FAM222A: variants seen among roughly 807,000 people sequenced by gnomAD.
The protein encoded by FAM222A is protein FAM222A.
A neutral mutation model predicts 25.8 loss-of-function variants in FAM222A; 7 were observed. The observed-to-expected ratio is 0.27, with a 90% CI of 0.15 to 0.51. The LOEUF (loss-of-function observed/expected upper bound fraction) is 0.51, where lower values mean the gene tolerates loss of function less well. Among genes scored for constraint, FAM222A ranks in the 20% least tolerant of loss-of-function variants. The pLI is 0.97. For synonymous variants in FAM222A, 294 were observed against 298.8 expected, an observed-to-expected ratio of 0.98 and a Z score of 0.17; for missense variants, 573 against 640.5, an observed-to-expected ratio of 0.89 and a Z score of 1.14.
Position 109,713,948 on chromosome 12 carries a change from C to T in FAM222A, c.-996C>T, listed in dbSNP as rs529069553. Among the ~76,000 whole-genome samples, 1 of 146,178 alleles carries T rather than the reference C, an allele frequency of 6.8e-6. No individual in the cohort carries two copies. Among genetic ancestry groups the T allele is most frequent in the African/African-American group, 2.5e-5 (1 of 40,754 alleles). On this transcript the variant is annotated 5_prime_UTR_variant, in exon 1 of 3. Coordinates refer to ENST00000538780, the MANE Select transcript of FAM222A (RefSeq NM_032829.3). ...CGCCTGTGGGGCGCGGCGCGCGGCA[C>T]CCGGGCCTGAGACCAGGCGAGGCGC...
intron 1 of FAM222A, chr12:109,720,251 G>C (rs528901682): frequency 2.7e-5 from 25 of 922,294 alleles, no homozygotes; most frequent in Middle Eastern, 1.1e-3. Context: ...AGGTCAGGGG[G>C]TGAGGCCGAG....
At chr12:109,727,645 C>T (rs1288166987) in intron 1 of FAM222A, among the ~76,000 whole-genome samples, 27 of 152,196 alleles carry the variant, frequency 1.8e-4, no homozygotes, top group Admixed American at 1.8e-3. Context: ...GGCAACTTGC[C>T]ACGCTGGCAC....
chr12:109,743,584 A>AG (rs1434473428), intron 1 of FAM222A, among the ~76,000 whole-genome samples: 4 of 152,144 alleles, frequency 2.6e-5, no homozygotes, highest in Non-Finnish European at 5.9e-5. Flanking sequence ...TCTCCCCTCC[A>AG]GGGGGGCTAT....
intron 1 of FAM222A, among the ~76,000 whole-genome samples, chr12:109,741,406 A>G (rs907194515): frequency 6.6e-6 from 1 of 152,124 alleles, no homozygotes; most frequent in Non-Finnish European, 1.5e-5. Flanking sequence ...ACACCATCAC[A>G]CCCTGAAAAC....
chr12:109,744,405 A>G, intron 2 of FAM222A, 177 bp downstream of exon 2: 1 of 984,304 alleles, frequency 1.0e-6, no homozygotes, highest in Non-Finnish European at 1.2e-6. Flanking sequence ...AATGACACCC[A>G]CTCCTTTGGC....
In FAM222A at chr12:109,735,040, C is replaced by T. The variant is rs541944858; in HGVS notation, c.-46-9061C>T. 11 of 152,880 alleles carry T rather than the reference C, an allele frequency of 7.2e-5. No individual in the cohort carries two copies. The East Asian group carries it at 1.9e-3, about 27-fold the overall frequency. The allele number at this position is 152,880 out of a possible 1,614,324, so 9.5% of individuals were successfully genotyped here. On this transcript the variant is annotated intron_variant, in intron 1 of 2. Transcript: ENST00000538780. ...TTTCCTAACCCCTGCCTCGAAGGCT[C>T]CATTCATTTCTGCCCCAGCCTGACC... is the stretch of plus-strand genomic sequence containing the variant.
chr12:109,766,465 C>T (rs1009234579), intron 2 of FAM222A, among the ~76,000 whole-genome samples: 7 of 152,362 alleles, frequency 4.6e-5, no homozygotes, highest in African/African-American at 1.7e-4. Context: ...CCATGCTGGC[C>T]TTACAGGTGA....
chr12:109,741,088 A>C (rs1389130996), intron 1 of FAM222A, among the ~76,000 whole-genome samples: 1 of 152,200 alleles, frequency 6.6e-6, no homozygotes, highest in Non-Finnish European at 1.5e-5. Context: ...TTTAAGGCCA[A>C]GGAGGGGGAT....
chr12:109,727,352 T>A lies in FAM222A; in HGVS notation c.-47+12455T>A, dbSNP rs377563511. 2.2e-4 allele frequency among the ~76,000 whole-genome samples: 34 copies of A among 151,984 alleles called. No homozygotes were observed. The South Asian group carries it at 6.9e-3, about 31-fold the overall frequency. On this transcript the variant is annotated intron_variant, in intron 1 of 2. Coordinates refer to ENST00000538780, the MANE Select transcript of FAM222A (RefSeq NM_032829.3). The stretch of plus-strand genomic sequence containing the variant: ...GGGGGTGCTGCCAGCTGCCATCCCG[T>A]GTGACTGTGGAGGCCTGAGCCCTCC...
chr12:109,754,489 A>G (rs1360278901), intron 2 of FAM222A, among the ~76,000 whole-genome samples: 1 of 152,232 alleles, frequency 6.6e-6, no homozygotes, highest in Non-Finnish European at 1.5e-5. Flanking sequence ...CAAAGAGCAG[A>G]TATTTTCAGC....
At chr12:109,719,973 AATT>A (rs1393148596) in intron 1 of FAM222A, 1 of 472,158 alleles carries the variant, frequency 2.1e-6, no homozygotes, top group African/African-American at 2.1e-5. Flanking sequence ...TCCTCAGAGA[AATT>A]ATTTTACCCC....
intron 1 of FAM222A, among the ~76,000 whole-genome samples, chr12:109,724,832 A>G (rs1160414657): frequency 6.6e-6 from 1 of 152,170 alleles, no homozygotes; most frequent in Non-Finnish European, 1.5e-5. Flanking sequence ...CCAATGTTGA[A>G]TGAATGAATG....
chr12:109,743,979 G>C, intron 1 of FAM222A, 122 bp from the exon 2 acceptor site: 1 of 1,417,484 alleles, frequency 7.1e-7, no homozygotes, highest in Non-Finnish European at 9.2e-7. Flanking sequence ...TAAGGGAAAT[G>C]GGTGTCTGCT....
chr12:109,732,577 C>T (rs1034842793), intron 1 of FAM222A, among the ~76,000 whole-genome samples: 2 of 152,266 alleles, frequency 1.3e-5, no homozygotes, highest in Non-Finnish European at 2.9e-5. Context: ...CAATCGGGCC[C>T]GTCGCTGATT....
At chr12:109,716,889 G>A (rs1887656230) in intron 1 of FAM222A, among the ~76,000 whole-genome samples, 1 of 152,230 alleles carries the variant, frequency 6.6e-6, no homozygotes, top group South Asian at 2.1e-4. Flanking sequence ...CATGATCTCA[G>A]TTACTCCTTG....
Position 109,769,010 on chromosome 12 carries a change from T to A in FAM222A, c.1081T>A (p.Tyr361Asn). The change falls in exon 3 of 3, where the codon TAC becomes AAC. Residue 361 changes from tyrosine (Y) to asparagine (N), a missense_variant. Tyr to Asn is a moderately radical substitution (Grantham distance 143). Transcript: ENST00000538780. The part of the protein sequence containing the change: ...SVLVTPTSDC[Y>N]NPAAAVVVTE... ...GCTGGTGACACCCACCAGCGACTGC[T>A]ACAACCCAGCGGCGGCGGTGGTGGT... 5 of 1,580,408 alleles carry A rather than the reference T, an allele frequency of 3.2e-6. No homozygotes were observed. The highest frequency in any genetic ancestry group is 4.3e-6 in the Non-Finnish European group (5 of 1,165,574).
chr12:109,718,706 C>A (rs1448023305), intron 1 of FAM222A, among the ~76,000 whole-genome samples: 3 of 152,182 alleles, frequency 2.0e-5, no homozygotes, highest in Non-Finnish European at 4.4e-5. Context: ...CCTCCGCGGG[C>A]GCCGCCCGCC....
In FAM222A at chr12:109,714,678, C is replaced by T. The variant is rs1466205336; in HGVS notation, c.-266C>T. The T allele has an allele frequency of 6.6e-6, 1 of 152,098 alleles. No homozygotes were observed. The highest frequency in any genetic ancestry group is 2.4e-5 in the African/African-American group (1 of 41,422). The allele number at this position is 152,098 out of a possible 1,614,324, so 9.4% of individuals were successfully genotyped here. ...GCCCCCGTCCGGGGCGGGCGTGACC[C>T]CTGCTGAACGGAGACCTCCCCTCCC... On this transcript the variant is annotated 5_prime_UTR_variant, in exon 1 of 3. Coordinates refer to ENST00000538780, the MANE Select transcript of FAM222A (RefSeq NM_032829.3). This position sits in a 1 kb window ranked among gnomAD's most constrained non-coding sequence, Gnocchi z 4.2.
intron 2 of FAM222A, 56 bp from the exon 3 acceptor site, chr12:109,767,956 G>C: frequency 3.2e-6 from 5 of 1,550,604 alleles, no homozygotes; most frequent in Non-Finnish European, 4.4e-6. Flanking sequence ...TGAGCCCTGT[G>C]GGGAGAGGTT....
Sources: gnomAD v4.1 joint callset for allele counts (sites outside exome capture counted in the v4.1 genomes callset) on GRCh38, gnomAD v4.1.1 for gene constraint, Gnocchi (gnomAD v3.1) non-coding constraint, MANE v1.5 for transcripts, NCBI Gene and HGNC (gene_info 2026-07-23, HGNC 2026-07-21) for gene names.